The following ELAPOR1 variants were observed in gnomAD, a reference collection of about 807,000 sequenced individuals.
ELAPOR1 encodes endosome/lysosome-associated apoptosis and autophagy regulator 1.
In ELAPOR1, 77 loss-of-function variants were observed where a neutral mutation model predicts 119.7. The ratio of observed to expected loss-of-function variants is 0.64; its 90% CI spans 0.54 to 0.78. The LOEUF (loss-of-function observed/expected upper bound fraction) is 0.78, where lower values mean the gene tolerates loss of function less well. Among genes scored for constraint, ELAPOR1 ranks in the 30% least tolerant of loss-of-function variants. The pLI is 0.00. For missense variants in ELAPOR1, 1,115 were observed against 1,270.4 expected (o/e 0.88, Z 1.86); for synonymous variants, 481 against 487.2 (o/e 0.99, Z 0.17).
chr1:109,152,082 C>T (rs992214733), intron 1 of ELAPOR1, among the ~76,000 whole-genome samples: 1 of 152,132 alleles, frequency 6.6e-6, no homozygotes, highest in African/African-American at 2.4e-5. Flanking sequence ...CCATATTGCC[C>T]AGGCTGGTCT....
chr1:109,191,484 T>C lies in ELAPOR1; in HGVS notation c.1545+13T>C, dbSNP rs547138883. ...CTACTTCATGGTGGTACGTTTTCCT[T>C]TCTTTGCCCGCTAGAGGGCCTCCAG... is the stretch of plus-strand genomic sequence containing the variant. On this transcript the variant is annotated intron_variant, in intron 12 of 21. Coordinates refer to ENST00000369939, the MANE Select transcript of ELAPOR1 (RefSeq NM_020775.5). 5 of 1,610,300 alleles carry C rather than the reference T, an allele frequency of 3.1e-6. No individual in the cohort carries two copies. The African/African-American group carries it at 6.7e-5, about 21-fold the overall frequency.
intron 17 of ELAPOR1, 48 bp downstream of exon 17, chr1:109,198,123 C>T: frequency 6.9e-7 from 1 of 1,440,052 alleles, no homozygotes; most frequent in Admixed American, 1.7e-5. Context: ...AGGACTCCTC[C>T]ATAATTTCTG....
chr1:109,177,180 G>C (rs1213047998), intron 7 of ELAPOR1, among the ~76,000 whole-genome samples: 1 of 150,060 alleles, frequency 6.7e-6, no homozygotes, highest in Admixed American at 6.6e-5. Context: ...CAGTAGGGGC[G>C]GCCGGGCAGA....
intron 1 of ELAPOR1, among the ~76,000 whole-genome samples, chr1:109,137,207 T>C (rs1411583793): frequency 2.0e-5 from 3 of 152,098 alleles, no homozygotes. Context: ...ATTTGATTAT[T>C]TATTTATTTA....
intron 1 of ELAPOR1, among the ~76,000 whole-genome samples, chr1:109,124,335 A>G (rs763084308): frequency 3.9e-5 from 6 of 152,140 alleles, no homozygotes; most frequent in Non-Finnish European, 8.8e-5. Flanking sequence ...GGCTCAAGGT[A>G]TCCTCCTGCC....
intron 1 of ELAPOR1, among the ~76,000 whole-genome samples, chr1:109,161,339 G>C (rs914309957): frequency 1.3e-5 from 2 of 151,126 alleles, no homozygotes; most frequent in African/African-American, 4.9e-5. Context: ...GAACCCAGGA[G>C]GCGGAGGTTA....
chr1:109,201,320 T>G (rs1298438884), intron 21 of ELAPOR1: 2 of 457,122 alleles, frequency 4.4e-6, no homozygotes, highest in Non-Finnish European at 8.8e-6. Flanking sequence ...GTCTTCCAGG[T>G]GTCTGGGTCC....
At chr1:109,126,208 T>C (rs1423304664) in intron 1 of ELAPOR1, among the ~76,000 whole-genome samples, 1 of 152,146 alleles carries the variant, frequency 6.6e-6, no homozygotes, top group Non-Finnish European at 1.5e-5. Context: ...AGTTTAAGCA[T>C]GGATCTGAAG....
intron 1 of ELAPOR1, among the ~76,000 whole-genome samples, chr1:109,143,213 A>G (rs974079102): frequency 2.6e-5 from 4 of 152,108 alleles, no homozygotes; most frequent in African/African-American, 9.7e-5. Context: ...GCCTCCCAAA[A>G]TGCTAGAATT....
chr1:109,190,550 T>C (rs1164403255), intron 11 of ELAPOR1, among the ~76,000 whole-genome samples: 5 of 152,362 alleles, frequency 3.3e-5, no homozygotes, highest in Admixed American at 2.0e-4. Context: ...TCGAGGTCCC[T>C]GCTTCCCATC....
chr1:109,152,877 T>C (rs1650617604), intron 1 of ELAPOR1, among the ~76,000 whole-genome samples: 1 of 146,126 alleles, frequency 6.8e-6, no homozygotes, highest in East Asian at 2.0e-4. Context: ...GTTCGGGAGT[T>C]CAAGGCTGCA....
At chr1:109,186,705 G>C (rs17642754) in intron 8 of ELAPOR1, 109,789 of 985,400 alleles carry the variant, frequency 0.11, 6,299 homozygotes, top group Middle Eastern at 0.13. Flanking sequence ...ATAAAAGGCA[G>C]ACAATTAATC....
At chr1:109,117,560 T>C (rs747169763) in intron 1 of ELAPOR1, among the ~76,000 whole-genome samples, 6 of 152,218 alleles carry the variant, frequency 3.9e-5, no homozygotes, top group Non-Finnish European at 8.8e-5. Flanking sequence ...GATGCTACTT[T>C]GAGAAGTTAA....
chr1:109,199,439 T>G (rs1301614917), intron 18 of ELAPOR1, among the ~76,000 whole-genome samples: 1 of 152,164 alleles, frequency 6.6e-6, no homozygotes, highest in East Asian at 1.9e-4. Context: ...ATAACAGGTA[T>G]CCATACCGGA....
At chr1:109,154,721 T>C (rs1382150425) in intron 1 of ELAPOR1, among the ~76,000 whole-genome samples, 1 of 152,228 alleles carries the variant, frequency 6.6e-6, no homozygotes, top group Non-Finnish European at 1.5e-5. Flanking sequence ...CACCTTGTGC[T>C]TCTCCCTTGG....
At chr1:109,154,281 CAAAAAAA>C (rs745938875) in intron 1 of ELAPOR1, among the ~76,000 whole-genome samples, 19 of 39,744 alleles carry the variant, frequency 4.8e-4, no homozygotes, top group Admixed American at 2.7e-3. Context: ...AACTCCGTCT[CAAAAAAA>C]AAAAAAAAAA....
chr1:109,158,688 G>A (rs931911638), intron 1 of ELAPOR1, among the ~76,000 whole-genome samples: 1 of 152,122 alleles, frequency 6.6e-6, no homozygotes, highest in Non-Finnish European at 1.5e-5. Flanking sequence ...TTACGTGCTG[G>A]ATGTATATAC....
Position 109,164,688 on chromosome 1 carries a change from C to T in ELAPOR1, c.464C>T (p.Thr155Ile), listed in dbSNP as rs779610084. The T allele has an allele frequency of 1.4e-5, 22 of 1,612,794 alleles. No individual in the cohort carries two copies. The East Asian group carries it at 4.7e-4, about 34-fold the overall frequency. Reference sequence around the variant, plus strand: ...GCTGCTGAGTCCACCGGGAACTGTACTTCGTGAGTCTGCACACACCCCCAC... The same window carrying T: ...GCTGCTGAGTCCACCGGGAACTGTATTTCGTGAGTCTGCACACACCCCCAC... ...DSAAESTGNC[T>I]SSKWVPRGDY... is the part of the protein sequence containing the mutation. The change falls in exon 3 of 22, where the codon ACT (threonine) becomes ATT (isoleucine). Residue 155 changes from threonine to isoleucine, a missense_variant. Transcript: ENST00000369939.
At chr1:109,155,425 G>A (rs979709810) in intron 1 of ELAPOR1, among the ~76,000 whole-genome samples, 9 of 151,970 alleles carry the variant, frequency 5.9e-5, no homozygotes, top group African/African-American at 1.2e-4. Flanking sequence ...TGATCCACTC[G>A]CCTTGGCCTC....
Sources: allele counts gnomAD v4.1 joint callset (sites outside exome capture counted in the v4.1 genomes callset), GRCh38; gene constraint gnomAD v4.1.1; transcripts MANE v1.5; gene names NCBI Gene and HGNC (gene_info 2026-07-23, HGNC 2026-07-21).